MYO3A: variants seen among roughly 807,000 people sequenced by gnomAD.
MYO3A encodes myosin-IIIa.
MYO3A carries 180 observed loss-of-function variants against 192.7 expected under a neutral mutation model. That is an observed-to-expected ratio of 0.93 (90% confidence interval 0.83 to 1.06). MYO3A has a LOEUF of 1.06. Among genes scored for constraint, MYO3A ranks in the 50% least tolerant of loss-of-function variants. MYO3A has a pLI of 0.00. For missense variants in MYO3A, 1,896 were observed against 1,905.0 expected (o/e 1.00, Z 0.09); for synonymous variants, 628 against 645.3 (o/e 0.97, Z 0.41).
At chr10:26,064,446 T>C (rs190624728) in intron 10 of MYO3A, among the ~76,000 whole-genome samples, 7 of 152,310 alleles carry the variant, frequency 4.6e-5, no homozygotes, top group Non-Finnish European at 1.0e-4. Flanking sequence ...GAGGCACAGA[T>C]GCACAAATCA....
intron 10 of MYO3A, among the ~76,000 whole-genome samples, chr10:26,054,004 A>G (rs975104280): frequency 3.3e-5 from 5 of 152,140 alleles, no homozygotes; most frequent in Non-Finnish European, 5.9e-5. Flanking sequence ...TTGAGGCAGG[A>G]GTGAGCCAGG....
intron 17 of MYO3A, 99 bp from the exon 18 acceptor site, chr10:26,120,577 A>G (rs1588990510): frequency 4.0e-6 from 6 of 1,499,712 alleles, no homozygotes; most frequent in East Asian, 2.3e-5. Context: ...TAGATATGAA[A>G]GGGCCTGAGG....
At position 26,060,173 on chromosome 10, in the gene MYO3A, C is replaced by T. The variant is rs1329992149; in HGVS notation, c.954-6802C>T. Among the ~76,000 whole-genome samples, 4 of 152,034 alleles carry T rather than the reference C, an allele frequency of 2.6e-5. 1 individual carries two copies. The highest frequency in any genetic ancestry group is 2.1e-4 in the South Asian group (1 of 4,816). ...ACTTGGGAGGCTGAGGCAGGAGAAT[C>T]ACTTGAACCCGGGAGGCAGAGGTTG... is the stretch of plus-strand genomic sequence containing the variant. On this transcript the variant is annotated intron_variant, in intron 10 of 34. Coordinates refer to ENST00000642920, the MANE Select transcript of MYO3A (RefSeq NM_017433.5).
intron 6 of MYO3A, among the ~76,000 whole-genome samples, 180 bp from the exon 7 acceptor site, chr10:26,016,640 C>G (rs907105629): frequency 1.3e-5 from 2 of 152,126 alleles, no homozygotes; most frequent in African/African-American, 4.8e-5. Context: ...AGTAGGAGCA[C>G]CATTCTGGTT....
At chr10:26,038,300 G>A (rs1843146607) in intron 10 of MYO3A, among the ~76,000 whole-genome samples, 1 of 151,978 alleles carries the variant, frequency 6.6e-6, no homozygotes, top group Non-Finnish European at 1.5e-5. Flanking sequence ...GGGTAGTGTG[G>A]GTATTTTAAC....
intron 26 of MYO3A, among the ~76,000 whole-genome samples, chr10:26,164,959 A>G (rs1294969420): frequency 6.6e-6 from 1 of 152,178 alleles, no homozygotes; most frequent in East Asian, 1.9e-4. Flanking sequence ...CCTAGTGGCT[A>G]ATAGGCACTC....
At chr10:26,126,334 G>A (rs1839212802) in intron 19 of MYO3A, among the ~76,000 whole-genome samples, 1 of 152,120 alleles carries the variant, frequency 6.6e-6, no homozygotes. Context: ...CCTACCATAA[G>A]ATCACCTCAT....
In MYO3A at chr10:26,141,120, G is replaced by T. The variant is rs1840139145; in HGVS notation, c.2263-2328G>T. Among the ~76,000 whole-genome samples, 3 of 152,152 alleles carry T rather than the reference G, an allele frequency of 2.0e-5. No homozygotes were observed. In the East Asian group the frequency reaches 5.8e-4, roughly 29 times the overall value. ...TTTTATGTATTTTTAGTAGAGATGGGGTTTCACTGTGACAGCTAGGATGGT... is the reference window on the plus strand; with the variant it reads ...TTTTATGTATTTTTAGTAGAGATGGTGTTTCACTGTGACAGCTAGGATGGT... On this transcript the variant is annotated intron_variant, in intron 20 of 34. Transcript: ENST00000642920.
rs188467143 is a variant in MYO3A, at chr10:26,141,874, G to A, written c.2263-1574G>A. 7.2e-5 allele frequency among the ~76,000 whole-genome samples: 11 copies of A among 151,740 alleles called. No homozygotes were observed. The East Asian group carries it at 1.9e-3, about 27-fold the overall frequency. On this transcript the variant is annotated intron_variant, in intron 20 of 34. Coordinates refer to ENST00000642920, the MANE Select transcript of MYO3A (RefSeq NM_017433.5). ...TAAAAATATGCATTTATTTTTCCTG[G>A]TGACACCTTTGAAATGAAATTTCAG...
chr10:26,099,742 T>G lies in MYO3A; in HGVS notation c.1776+3060T>G, dbSNP rs1374417612. Among the ~76,000 whole-genome samples the G allele has an allele frequency of 5.9e-5, 9 of 152,356 alleles. No individual in the cohort carries two copies. In the East Asian group the frequency reaches 1.7e-3, roughly 29 times the overall value. ...TGATTTGCATATGTTGAACCAGCCT[T>G]GCATCCCAGGGATGAAGCCCACTTG... On this transcript the variant is annotated intron_variant, in intron 17 of 34. Coordinates refer to ENST00000642920, the MANE Select transcript of MYO3A (RefSeq NM_017433.5).
At chr10:25,997,353 G>A in intron 6 of MYO3A, 95 bp downstream of exon 6, 1 of 928,074 alleles carries the variant, frequency 1.1e-6, no homozygotes. Context: ...TCTAGGTATT[G>A]GAAATAGAGG....
intron 15 of MYO3A, among the ~76,000 whole-genome samples, chr10:26,089,595 C>T (rs535491395): frequency 6.8e-6 from 1 of 147,844 alleles, no homozygotes; most frequent in African/African-American, 2.5e-5. Context: ...AGCGAGACTC[C>T]ATCTCAAAAA....
intron 2 of MYO3A, among the ~76,000 whole-genome samples, chr10:25,942,041 G>A (rs542243925): frequency 6.1e-4 from 87 of 143,028 alleles, no homozygotes; most frequent in African/African-American, 2.1e-3. Context: ...TCTCTCTGTC[G>A]CACAGGCTGT....
intron 6 of MYO3A, among the ~76,000 whole-genome samples, chr10:26,000,626 C>T (rs1351684908): frequency 2.0e-5 from 3 of 150,810 alleles, no homozygotes; most frequent in East Asian, 1.9e-4. Flanking sequence ...TTTTATAAGA[C>T]GGGGTCATTG....
chr10:26,026,335 C>G (rs1842540869), intron 9 of MYO3A, 42 bp from the exon 10 acceptor site: 1 of 1,608,222 alleles, frequency 6.2e-7, no homozygotes, highest in Non-Finnish European at 8.5e-7. Flanking sequence ...TTTCAAAACT[C>G]TAACTTATCT....
chr10:26,072,698 T>G (rs948419796), intron 14 of MYO3A, among the ~76,000 whole-genome samples: 1 of 71,904 alleles, frequency 1.4e-5, no homozygotes, highest in Non-Finnish European at 2.8e-5. Flanking sequence ...TTTTCTATGT[T>G]TATAAAAAAA....
intron 2 of MYO3A, among the ~76,000 whole-genome samples, chr10:25,938,347 A>T (rs995552977): frequency 7.2e-5 from 11 of 152,228 alleles, no homozygotes; most frequent in African/African-American, 2.4e-4. Context: ...GGCTGAAGTC[A>T]CTGAGAGTGG....
At chr10:26,102,681 G>A (rs1230412599) in intron 17 of MYO3A, among the ~76,000 whole-genome samples, 1 of 152,198 alleles carries the variant, frequency 6.6e-6, no homozygotes, top group East Asian at 1.9e-4. Context: ...GACCCTGTTT[G>A]TCTGGGTATC....
chr10:25,992,375 T>A (rs192437645), intron 4 of MYO3A, among the ~76,000 whole-genome samples: 270 of 152,370 alleles, frequency 1.8e-3, no homozygotes, highest in African/African-American at 6.4e-3. Flanking sequence ...CCTGAGCCTT[T>A]GCTGAAGTTG....
Sources: gnomAD v4.1 joint callset for allele counts (sites outside exome capture counted in the v4.1 genomes callset) on GRCh38, gnomAD v4.1.1 for gene constraint, MANE v1.5 for transcripts, NCBI Gene and HGNC (gene_info 2026-07-23, HGNC 2026-07-21) for gene names.